KSR2: variants seen among roughly 807,000 people sequenced by gnomAD.
KSR2 encodes kinase suppressor of ras 2.
Under a neutral mutation model 107.8 loss-of-function variants are expected in KSR2, and 25 were observed. The ratio of observed to expected loss-of-function variants is 0.23; its 90% confidence interval spans 0.17 to 0.32. The LOEUF is 0.32. Among genes scored for constraint, KSR2 ranks in the 10% least tolerant of loss-of-function variants. The probability of loss-of-function intolerance (pLI) is 1.00; values close to 1 mark genes in which losing one functional copy is unlikely to be tolerated. For synonymous variants in KSR2, 480 were observed against 507.0 expected (o/e 0.95, Z 0.71); for missense variants, 887 against 1,268.9 (o/e 0.70, Z 4.57).
At chr12:117,610,927 T>C (rs1327742850) in intron 5 of KSR2, among the ~76,000 whole-genome samples, 2 of 152,108 alleles carry the variant, frequency 1.3e-5, no homozygotes, top group East Asian at 3.9e-4. Context: ...GTGAAACTAC[T>C]TCTGCAATAA....
Position 117,539,707 on chromosome 12 carries a change from G to T in KSR2, c.1687+12C>A. The T allele has an allele frequency of 6.3e-7, 1 of 1,596,730 alleles. No homozygotes were observed. The highest frequency in any genetic ancestry group is 8.5e-7 in the Non-Finnish European group (1 of 1,172,910). ...CGCTGCACCCCTCATGTCTCCCCAAGCATGGAGGTACCTGGCAGGTTGAAG... is the reference window on the plus strand; with the variant it reads ...CGCTGCACCCCTCATGTCTCCCCAATCATGGAGGTACCTGGCAGGTTGAAG... On this transcript the variant is annotated intron_variant, in intron 10 of 19. Transcript: ENST00000339824.
At chr12:117,662,537 C>T (rs1593105330) in intron 5 of KSR2, among the ~76,000 whole-genome samples, 1 of 152,160 alleles carries the variant, frequency 6.6e-6, no homozygotes, top group Non-Finnish European at 1.5e-5. Context: ...TTAGCTTGTC[C>T]CCAGGACAAA....
rs10735110 is a variant in KSR2 at position 117,647,323 on chromosome 12, A to T, written c.1171+20151T>A. ...CCTTCAACAGAGCAGCATGGGACACAGTAGAACACTTTTCACTTTTATCCC... is the reference window on the plus strand; with the variant it reads ...CCTTCAACAGAGCAGCATGGGACACTGTAGAACACTTTTCACTTTTATCCC... On this transcript the variant is annotated intron_variant, in intron 5 of 19. Coordinates refer to ENST00000339824, the MANE Select transcript of KSR2 (RefSeq NM_173598.6). Among the ~76,000 whole-genome samples the T allele has an allele frequency of 4.1e-3, 620 of 152,228 alleles. 2 individuals are homozygous for T. The highest frequency in any genetic ancestry group is 0.017 in the Middle Eastern group (5 of 294).
intron 3 of KSR2, among the ~76,000 whole-genome samples, chr12:117,777,816 C>A (rs572106945): frequency 3.2e-4 from 48 of 152,120 alleles, no homozygotes; most frequent in Admixed American, 2.1e-3. Flanking sequence ...GGATCACTTG[C>A]GCCCAGGAGT....
At position 117,582,270 on chromosome 12, in the gene KSR2, C is replaced by A; in HGVS notation, c.1241+20G>T. The A allele has an allele frequency of 6.2e-7, 1 of 1,608,594 alleles. No individual in the cohort carries two copies. Among genetic ancestry groups the A allele is most frequent in the Non-Finnish European group, 8.5e-7 (1 of 1,175,102 alleles). ...CAGAGCTGAGAAGTAGGCACCAGTG[C>A]ACACAGGAATCCAGCCTACCTGTGC... On this transcript the variant is annotated intron_variant, in intron 6 of 19. Coordinates refer to ENST00000339824, the MANE Select transcript of KSR2 (RefSeq NM_173598.6).
At chr12:117,914,836 A>G (rs1290116364) in intron 1 of KSR2, among the ~76,000 whole-genome samples, 2 of 152,206 alleles carry the variant, frequency 1.3e-5, no homozygotes, top group Non-Finnish European at 2.9e-5. Context: ...GCGCCCAGCC[A>G]ATCAATTTTT....
chr12:117,950,749 A>AAAAAAAT (rs1555260902), intron 1 of KSR2, among the ~76,000 whole-genome samples: 10 of 132,142 alleles, frequency 7.6e-5, no homozygotes, highest in African/African-American at 2.9e-4. Flanking sequence ...AAAAAAAAAA[A>AAAAAAAT]AATAATAATA....
intron 4 of KSR2, among the ~76,000 whole-genome samples, chr12:117,708,491 C>T (rs1477994381): frequency 6.6e-6 from 1 of 152,202 alleles, no homozygotes; most frequent in East Asian, 1.9e-4. Context: ...TCATCACTTA[C>T]TAATCGCATA....
At chr12:117,636,530 A>G (rs1251709685) in intron 5 of KSR2, among the ~76,000 whole-genome samples, 3 of 152,202 alleles carry the variant, frequency 2.0e-5, no homozygotes, top group African/African-American at 4.8e-5. Context: ...TACACACCTG[A>G]TCAATGACAG....
At chr12:117,935,290 A>T (rs1409354136) in intron 1 of KSR2, among the ~76,000 whole-genome samples, 1 of 151,994 alleles carries the variant, frequency 6.6e-6, no homozygotes, top group East Asian at 1.9e-4. Context: ...ATGCACCACC[A>T]CACCCTGCTT....
rs189066559 is a variant in KSR2, at chr12:117,682,708, G to A, written c.987-15050C>T. On this transcript the variant is annotated intron_variant, in intron 4 of 19. Coordinates refer to ENST00000339824, the MANE Select transcript of KSR2 (RefSeq NM_173598.6). Reference sequence around the variant, plus strand: ...GCTGGGACCACAGGTGTGAGCCACCGCGCCTGGCTGTATCTCAGAACTTAA... The same window carrying A: ...GCTGGGACCACAGGTGTGAGCCACCACGCCTGGCTGTATCTCAGAACTTAA... 2.6e-5 allele frequency among the ~76,000 whole-genome samples: 4 copies of A among 152,250 alleles called. No homozygotes were observed. In the East Asian group the frequency reaches 5.8e-4, roughly 22 times the overall value.
At chr12:117,746,446 G>C (rs750056020) in intron 4 of KSR2, among the ~76,000 whole-genome samples, 3 of 152,096 alleles carry the variant, frequency 2.0e-5, no homozygotes, top group Non-Finnish European at 4.4e-5. Flanking sequence ...ATGGATTAAA[G>C]ACCTAAATGT....
At chr12:117,820,427 C>T (rs556814919) in intron 3 of KSR2, among the ~76,000 whole-genome samples, 1 of 152,322 alleles carries the variant, frequency 6.6e-6, no homozygotes, top group Non-Finnish European at 1.5e-5. Context: ...AAATTCAGCC[C>T]AGGACAGACC....
chr12:117,696,005 G>A (rs535498006), intron 4 of KSR2, among the ~76,000 whole-genome samples: 64 of 152,326 alleles, frequency 4.2e-4, no homozygotes, highest in African/African-American at 1.5e-3. Flanking sequence ...GCTGGGCTGA[G>A]GCTGGTTCCC....
intron 14 of KSR2, among the ~76,000 whole-genome samples, chr12:117,516,503 T>G (rs1874387465): frequency 1.3e-5 from 2 of 152,254 alleles, no homozygotes; most frequent in South Asian, 4.1e-4. Context: ...TTCTACCATT[T>G]GCTGCTACCA....
chr12:117,462,998 C>T lies in KSR2; in HGVS notation c.*4201G>A, dbSNP rs796458718. 2.0e-5 allele frequency: 3 copies of T among 152,390 alleles called. No homozygotes were observed. The highest frequency in any genetic ancestry group is 7.2e-5 in the African/African-American group (3 of 41,590). The allele number at this position is 152,390 out of a possible 1,614,324, so 9.4% of individuals were successfully genotyped here. On this transcript the variant is annotated 3_prime_UTR_variant, in exon 20 of 20. Coordinates refer to ENST00000339824, the MANE Select transcript of KSR2 (RefSeq NM_173598.6). ...CAAAGAAAGAGGCCTCACCAGAAAC[C>T]AACCCTGCTGACACCTTGATCTTGG... is the stretch of plus-strand genomic sequence containing the variant.
chr12:117,617,621 T>C (rs1428319093), intron 5 of KSR2, among the ~76,000 whole-genome samples: 1 of 152,208 alleles, frequency 6.6e-6, no homozygotes. Context: ...TGAAGCAATT[T>C]ATATGAAATT....
intron 3 of KSR2, among the ~76,000 whole-genome samples, chr12:117,835,792 T>C (rs1299516751): frequency 2.6e-5 from 4 of 151,930 alleles, no homozygotes; most frequent in African/African-American, 9.7e-5. Flanking sequence ...GCCCCAAATG[T>C]CAACAGTGCC....
chr12:117,514,243 A>G (rs921545289), intron 14 of KSR2, among the ~76,000 whole-genome samples: 1 of 152,204 alleles, frequency 6.6e-6, no homozygotes, highest in Non-Finnish European at 1.5e-5. Flanking sequence ...CATGCCAAAA[A>G]TCTCTTAGAA....
Sources: gnomAD v4.1 joint callset for allele counts (sites outside exome capture counted in the v4.1 genomes callset) on GRCh38, gnomAD v4.1.1 for gene constraint, MANE v1.5 for transcripts, NCBI Gene and HGNC (gene_info 2026-07-23, HGNC 2026-07-21) for gene names.